Variants in STXBP5L observed in about 807,000 individuals in gnomAD.
STXBP5L encodes syntaxin-binding protein 5-like.
STXBP5L carries 65 observed loss-of-function variants against 144.5 expected under a neutral mutation model. That is an observed-to-expected ratio of 0.45 (90% CI 0.37 to 0.55). The LOEUF (loss-of-function observed/expected upper bound fraction) is 0.55, where lower values mean the gene tolerates loss of function less well. Ranked by LOEUF, STXBP5L falls within the 20% of genes least tolerant of loss-of-function variation. The probability of loss-of-function intolerance (pLI) is 0.00; values close to 1 mark genes in which losing one functional copy is unlikely to be tolerated. For synonymous variants in STXBP5L, 505 were observed against 469.6 expected, an observed-to-expected ratio of 1.08 and a Z score of -0.97; for missense variants, 1,298 against 1,405.5, an observed-to-expected ratio of 0.92 and a Z score of 1.22.
At chr3:121,414,183 G>T (rs80025985) in intron 24 of STXBP5L, among the ~76,000 whole-genome samples, 19,129 of 151,850 alleles carry the variant, frequency 0.13, 1,291 homozygotes, top group South Asian at 0.23. Flanking sequence ...CTAATACTTG[G>T]CTAGACTCTA....
At position 121,138,970 on chromosome 3, in the gene STXBP5L, A is replaced by G. The variant is rs528645439; in HGVS notation, c.670-13507A>G. ...CAACAGAGTGAAAAGACAATCTACA[A>G]GTGAAATGTTAGTTATAGAAAAATA... is the stretch of plus-strand genomic sequence containing the variant. On this transcript the variant is annotated intron_variant, in intron 7 of 26. Coordinates refer to ENST00000471454, the MANE Select transcript of STXBP5L (RefSeq NM_001308330.2). Among the ~76,000 whole-genome samples the G allele has an allele frequency of 2.0e-5, 3 of 152,120 alleles. No individual in the cohort carries two copies. In the South Asian group the frequency reaches 6.2e-4, roughly 31 times the overall value.
chr3:121,413,906 T>G (rs1439799034), intron 24 of STXBP5L, among the ~76,000 whole-genome samples: 1 of 152,150 alleles, frequency 6.6e-6, no homozygotes, highest in East Asian at 1.9e-4. Flanking sequence ...CTAAAACATA[T>G]TTATTATAAT....
chr3:121,028,959 A>G (rs1458900791), intron 3 of STXBP5L, among the ~76,000 whole-genome samples: 1 of 152,180 alleles, frequency 6.6e-6, no homozygotes, highest in Non-Finnish European at 1.5e-5. Context: ...ATACCTAGGA[A>G]TACAACATAC....
intron 12 of STXBP5L, among the ~76,000 whole-genome samples, chr3:121,234,043 C>G (rs1448902169): frequency 6.6e-6 from 1 of 152,110 alleles, no homozygotes; most frequent in Non-Finnish European, 1.5e-5. Context: ...TATTATTGCA[C>G]TACTGCTGCA....
At chr3:121,333,726 G>T (rs1360313358) in intron 20 of STXBP5L, among the ~76,000 whole-genome samples, 1 of 152,070 alleles carries the variant, frequency 6.6e-6, no homozygotes, top group African/African-American at 2.4e-5. Context: ...CAAGTAACCA[G>T]CAGGGACTAC....
intron 5 of STXBP5L, among the ~76,000 whole-genome samples, chr3:121,111,149 A>C (rs975953697): frequency 2.6e-5 from 4 of 152,100 alleles, no homozygotes; most frequent in African/African-American, 9.7e-5. Flanking sequence ...ATGTTTTATC[A>C]TGGTTATTAG....
At chr3:121,270,122 G>A (rs955433459) in intron 18 of STXBP5L, among the ~76,000 whole-genome samples, 1 of 151,932 alleles carries the variant, frequency 6.6e-6, no homozygotes, top group Non-Finnish European at 1.5e-5. Flanking sequence ...TAAAATATGA[G>A]TAGTCACTCA....
At chr3:120,909,874 T>G in intron 2 of STXBP5L, 107 bp downstream of exon 2, 2 of 1,176,304 alleles carry the variant, frequency 1.7e-6, no homozygotes, top group Non-Finnish European at 2.4e-6. Flanking sequence ...GATGTCAGCA[T>G]CAGAGTCTGC....
At chr3:121,117,709 T>G (rs2044293222) in intron 6 of STXBP5L, among the ~76,000 whole-genome samples, 1 of 151,796 alleles carries the variant, frequency 6.6e-6, no homozygotes, top group South Asian at 2.1e-4. Flanking sequence ...TGAAATACTT[T>G]TCATTTAATG....
chr3:121,351,720 T>A (rs928747522), intron 20 of STXBP5L, among the ~76,000 whole-genome samples: 1 of 152,172 alleles, frequency 6.6e-6, no homozygotes, highest in Non-Finnish European at 1.5e-5. Context: ...TATTTTGGCT[T>A]TTGTTGCCAT....
In STXBP5L at chr3:121,201,767, T is replaced by G. The variant is rs1415136352; in HGVS notation, c.878-4156T>G. 2.0e-5 allele frequency among the ~76,000 whole-genome samples: 3 copies of G among 152,184 alleles called. No individual in the cohort carries two copies. The East Asian group carries it at 5.8e-4, about 29-fold the overall frequency. ...TCTGGAAAGCATTTTATTTATGTGC[T>G]TATTAAGCTTAGCTTGGCTGGATAT... On this transcript the variant is annotated intron_variant, in intron 9 of 26. Coordinates refer to ENST00000471454, the MANE Select transcript of STXBP5L (RefSeq NM_001308330.2).
At chr3:121,383,019 T>A (rs747408225) in intron 22 of STXBP5L, among the ~76,000 whole-genome samples, 27 of 152,124 alleles carry the variant, frequency 1.8e-4, no homozygotes, top group Non-Finnish European at 4.4e-5. Flanking sequence ...CAGTGGCTCA[T>A]GCCTATAATT....
At chr3:121,082,899 T>A (rs1286974935) in intron 5 of STXBP5L, among the ~76,000 whole-genome samples, 6 of 152,204 alleles carry the variant, frequency 3.9e-5, no homozygotes, top group African/African-American at 1.4e-4. Flanking sequence ...AATCTTTTGT[T>A]AAGAACTTTT....
chr3:121,324,347 G>A (rs1328526304), intron 20 of STXBP5L: 2 of 539,856 alleles, frequency 3.7e-6, no homozygotes, highest in Non-Finnish European at 6.5e-6. Context: ...TGTTGGAGCA[G>A]TATTTATCTT....
At chr3:121,408,743 G>A (rs896654702) in intron 23 of STXBP5L, among the ~76,000 whole-genome samples, 4 of 151,972 alleles carry the variant, frequency 2.6e-5, no homozygotes, top group African/African-American at 9.7e-5. Context: ...CATACACAGG[G>A]AGGGAGAAGT....
At chr3:121,403,139 C>T (rs1393821964) in intron 22 of STXBP5L, among the ~76,000 whole-genome samples, 1 of 152,138 alleles carries the variant, frequency 6.6e-6, no homozygotes. Context: ...CATCTACCAA[C>T]CTATCTGCTT....
chr3:121,189,580 T>G (rs1223967674), intron 9 of STXBP5L, among the ~76,000 whole-genome samples: 4 of 152,210 alleles, frequency 2.6e-5, no homozygotes, highest in African/African-American at 9.6e-5. Context: ...CATTGGTCTA[T>G]ATCTCTGTTT....
At chr3:121,000,344 G>A (rs1228514588) in intron 3 of STXBP5L, among the ~76,000 whole-genome samples, 1 of 151,884 alleles carries the variant, frequency 6.6e-6, no homozygotes, top group Non-Finnish European at 1.5e-5. Context: ...TGACTGAATA[G>A]ATTTGAAGAG....
intron 20 of STXBP5L, among the ~76,000 whole-genome samples, chr3:121,350,826 C>A (rs2045249589): frequency 6.6e-6 from 1 of 152,076 alleles, no homozygotes; most frequent in African/African-American, 2.4e-5. Flanking sequence ...CCTTTAAGGA[C>A]TTCTCTCCAT....
Sources: allele counts gnomAD v4.1 joint callset (sites outside exome capture counted in the v4.1 genomes callset), GRCh38; gene constraint gnomAD v4.1.1; transcripts MANE v1.5; gene names NCBI Gene and HGNC (gene_info 2026-07-23, HGNC 2026-07-21).